MED13L: variants seen among roughly 807,000 people sequenced by gnomAD.
MED13L encodes the protein mediator of RNA polymerase II transcription subunit 13-like.
A neutral mutation model predicts 220.9 loss-of-function variants in MED13L; 7 were observed. That is an observed-to-expected ratio of 0.03 (90% CI 0.02 to 0.06). MED13L has a LOEUF of 0.06. MED13L is among the 10% of genes least tolerant of loss of function. The pLI is 1.00. For missense variants in MED13L, 1,965 were observed against 2,760.5 expected (o/e 0.71, Z 6.46); for synonymous variants, 1,011 against 1,015.2 (o/e 1.00, Z 0.08).
At position 115,963,630 on chromosome 12, in the gene MED13L, G is replaced by A. The variant is rs1271742251; in HGVS notation, c.6388-111C>T. 7.6e-6 allele frequency: 6 copies of A among 793,972 alleles called. No homozygotes were observed. In the African/African-American group the frequency reaches 1.0e-4, roughly 14 times the overall value. The allele number at this position is 793,972 out of a possible 1,614,324, so 49.2% of individuals were successfully genotyped here. A position where few individuals can be genotyped will look rare whatever the true frequency, so the allele number is the denominator to read the frequency against. On this transcript the variant is annotated intron_variant, in intron 29 of 30. Coordinates refer to ENST00000281928, the MANE Select transcript of MED13L (RefSeq NM_015335.5). ...TGCTCCCAAAAGTCCGTAGAAGTCA[G>A]GGTTTCTGTGAGTCTACAAATTTTA...
chr12:116,012,855 T>C lies in MED13L; in HGVS notation c.1222A>G (p.Asn408Asp), dbSNP rs766638130. The change falls in exon 9 of 31, where the codon AAT (asparagine) becomes GAT (aspartate). Residue 408 changes from asparagine (N) to aspartate (D), a missense_variant. Asn to Asp is a conservative substitution (Grantham distance 23). Transcript: ENST00000281928. ...TCCACAAAATCCCAAGTAGCAGGAT[T>C]GCTAGCAGGCTCTTCTTCAAGAGTT... is the stretch of plus-strand genomic sequence containing the variant. ...TPTLEEEPAS[N>D]PATWDFVDPT... 2.5e-6 allele frequency: 4 copies of C among 1,614,026 alleles called. No individual in the cohort carries two copies. In the South Asian group the frequency reaches 3.3e-5, roughly 13 times the overall value.
chr12:116,002,138 C>T (rs551281733), intron 14 of MED13L, among the ~76,000 whole-genome samples: 8 of 152,278 alleles, frequency 5.3e-5, no homozygotes, highest in South Asian at 2.1e-4. Flanking sequence ...ACTACAGCAA[C>T]GGGCTGGCTA....
chr12:115,996,432 T>C (rs748358637), intron 16 of MED13L, 44 bp downstream of exon 16: 19 of 1,579,976 alleles, frequency 1.2e-5, no homozygotes, highest in East Asian at 2.2e-5. Context: ...AAGATAAAAA[T>C]TGCATCAAAT....
intron 1 of MED13L, among the ~76,000 whole-genome samples, chr12:116,256,280 T>C (rs985620798): frequency 6.9e-6 from 1 of 144,964 alleles, no homozygotes; most frequent in Non-Finnish European, 1.5e-5. Context: ...AAAAAGAGAC[T>C]ACTATTTAGC....
intron 2 of MED13L, among the ~76,000 whole-genome samples, chr12:116,133,499 G>C (rs1876260908): frequency 6.6e-6 from 1 of 152,182 alleles, no homozygotes; most frequent in Non-Finnish European, 1.5e-5. Context: ...CGGGCTCTAG[G>C]ACCATGGTAA....
At chr12:116,063,125 T>C (rs1465401257) in intron 4 of MED13L, among the ~76,000 whole-genome samples, 1 of 152,190 alleles carries the variant, frequency 6.6e-6, no homozygotes, top group Non-Finnish European at 1.5e-5. Flanking sequence ...ATTTAGGGCA[T>C]TTCTGTCTTC....
chr12:116,241,344 AC>A (rs1347924398), intron 1 of MED13L, among the ~76,000 whole-genome samples: 197 of 146,552 alleles, frequency 1.3e-3, no homozygotes, highest in Middle Eastern at 6.9e-3. Context: ...AAAAAAAAAC[AC>A]ACACACACAC....
At chr12:116,275,610 T>C (rs1873752616) in intron 1 of MED13L, among the ~76,000 whole-genome samples, 1 of 152,222 alleles carries the variant, frequency 6.6e-6, no homozygotes, top group Admixed American at 6.5e-5. Context: ...TAAATGTAAC[T>C]AATTACAATT....
intron 14 of MED13L, 91 bp from the exon 15 acceptor site, chr12:115,997,321 A>T: frequency 1.0e-6 from 1 of 971,138 alleles, no homozygotes; most frequent in South Asian, 1.4e-5. Flanking sequence ...GGCACCAAAA[A>T]TAGTGCTAAT....
At chr12:115,975,912 G>C (rs1487949834) in intron 23 of MED13L, among the ~76,000 whole-genome samples, 174 bp from the exon 24 acceptor site, 1 of 151,988 alleles carries the variant, frequency 6.6e-6, no homozygotes, top group Admixed American at 6.6e-5. Context: ...ATAACAAAAT[G>C]ATTGTTTAAA....
chr12:115,984,826 C>A (rs1194700907), intron 19 of MED13L, among the ~76,000 whole-genome samples: 3 of 151,710 alleles, frequency 2.0e-5, no homozygotes, highest in South Asian at 2.1e-4. Context: ...TTGGAGATCA[C>A]CAATAGCAGG....
intron 2 of MED13L, among the ~76,000 whole-genome samples, chr12:116,202,431 C>T (rs1020267309): frequency 6.6e-6 from 1 of 152,078 alleles, no homozygotes; most frequent in African/African-American, 2.4e-5. Flanking sequence ...ATTTATAGGA[C>T]CTAAGTCTTG....
intron 2 of MED13L, among the ~76,000 whole-genome samples, chr12:116,153,997 A>T (rs767589722): frequency 6.6e-6 from 1 of 152,200 alleles, no homozygotes; most frequent in African/African-American, 2.4e-5. Context: ...ACAACAACAA[A>T]AATCACAGCT....
At chr12:116,083,176 T>G (rs1416150797) in intron 4 of MED13L, among the ~76,000 whole-genome samples, 2 of 151,714 alleles carry the variant, frequency 1.3e-5, no homozygotes, top group Non-Finnish European at 2.9e-5. Flanking sequence ...GGAGGCCAAG[T>G]TGGGTAGATC....
chr12:116,109,749 T>G (rs1297476957), intron 3 of MED13L, among the ~76,000 whole-genome samples: 1 of 152,170 alleles, frequency 6.6e-6, no homozygotes, highest in African/African-American at 2.4e-5. Flanking sequence ...TTACCAAATA[T>G]TTAGAATACT....
chr12:116,204,081 A>C (rs890795660), intron 2 of MED13L, among the ~76,000 whole-genome samples: 1 of 152,236 alleles, frequency 6.6e-6, no homozygotes, highest in African/African-American at 2.4e-5. Context: ...GCATACCACA[A>C]TAGCTACTGA....
rs564866591 is a variant in MED13L, at chr12:116,271,446, T to C, written c.72+5614A>G. Reference sequence around the variant, plus strand: ...TGTACTAAACATACAAAAAAAAAATTAGCCAGACATGGTGGCAGGCGCCTG... The same window carrying C: ...TGTACTAAACATACAAAAAAAAAATCAGCCAGACATGGTGGCAGGCGCCTG... On this transcript the variant is annotated intron_variant, in intron 1 of 30. Transcript: ENST00000281928. Among the ~76,000 whole-genome samples, 13 of 151,522 alleles carry C rather than the reference T, an allele frequency of 8.6e-5. No individual in the cohort carries two copies. The South Asian group carries it at 2.7e-3, about 32-fold the overall frequency.
chr12:116,146,692 C>T (rs886530194), intron 2 of MED13L, among the ~76,000 whole-genome samples: 3 of 151,702 alleles, frequency 2.0e-5, no homozygotes, highest in Non-Finnish European at 4.4e-5. Context: ...GTGAGGAAAC[C>T]CCCATCTCTA....
intron 2 of MED13L, among the ~76,000 whole-genome samples, chr12:116,229,712 C>T (rs1869365921): frequency 6.6e-6 from 1 of 151,988 alleles, no homozygotes; most frequent in South Asian, 2.1e-4. Flanking sequence ...ATGATCTTAC[C>T]ATAATTTTAC....
Sources: allele counts gnomAD v4.1 joint callset (sites outside exome capture counted in the v4.1 genomes callset), GRCh38; gene constraint gnomAD v4.1.1; transcripts MANE v1.5; gene names NCBI Gene and HGNC (gene_info 2026-07-23, HGNC 2026-07-21).